Variants in CD3D observed in about 807,000 individuals in gnomAD.
CD3D encodes T-cell surface glycoprotein CD3 delta chain.
A neutral mutation model predicts 22.0 loss-of-function variants in CD3D; 22 were observed. That is an observed-to-expected ratio of 1.00 (90% CI 0.71 to 1.43). The LOEUF (loss-of-function observed/expected upper bound fraction) is 1.43, where lower values mean the gene tolerates loss of function less well. Ranked by LOEUF, CD3D falls within the 40% of genes most tolerant of loss-of-function variation. The pLI is 0.00. For missense variants in CD3D, 205 were observed against 211.7 expected (o/e 0.97, Z 0.20); for synonymous variants, 74 against 81.2 (o/e 0.91, Z 0.48).
intron 3 of CD3D, 41 bp from the exon 4 acceptor site, chr11:118,339,535 G>C (rs1213090513): frequency 4.3e-6 from 7 of 1,612,136 alleles, no homozygotes; most frequent in Non-Finnish European, 5.9e-6. Context: ...CTAGCAGATG[G>C]GACTGTGAGA....
At position 118,340,541 on chromosome 11, in the gene CD3D, A is replaced by T; in HGVS notation, c.108T>A (p.Asn36Lys). The change falls in exon 2 of 5, where the codon AAT becomes AAA. Residue 36 changes from asparagine to lysine, a missense_variant. Physicochemically the swap from Asn to Lys is moderately conservative, Grantham distance 94. Transcript: ENST00000300692. The part of the protein sequence containing the change: ...IEELEDRVFV[N>K]CNTSITWVEG... ...CTACCCATGTGATGCTGGTATTGCA[A>T]TTCACAAACACTCTGTCCTCAAGTT... 1.2e-6 allele frequency: 2 copies of T among 1,614,080 alleles called. No homozygotes were observed. Among genetic ancestry groups the T allele is most frequent in the Non-Finnish European group, 1.7e-6 (2 of 1,180,010 alleles).
chr11:118,339,709 T>TACACAC lies in CD3D; in HGVS notation c.406+60_406+65dup, dbSNP rs67065773. The TACACAC allele has an allele frequency of 0.086, 132,056 of 1,527,190 alleles. 1,024 individuals are homozygous for TACACAC. Among genetic ancestry groups the TACACAC allele is most frequent in the Middle Eastern group, 0.14 (820 of 5,834 alleles). 94.6% of individuals were successfully genotyped at this position (1,527,190 alleles called of 1,614,324 possible). A position where few individuals can be genotyped will look rare whatever the true frequency, so the allele number is the denominator to read the frequency against. ...CTTAGCTGGTGCATAAGCTCACTGG[T>TACACAC]ACACACACACACACACACACACACA... is the stretch of plus-strand genomic sequence containing the variant. On this transcript the variant is annotated intron_variant, in intron 3 of 4. Transcript: ENST00000300692.
Position 118,339,235 on chromosome 11 carries a change from A to C in CD3D, c.451-8T>G. ...ATCTCGATCTCGGAGGGGCTAAGAG[A>C]GGAGAAGAGAAAACGGTCAGGAGGC... On this transcript the variant is annotated splice_polypyrimidine_tract_variant and splice_region_variant and intron_variant, in intron 4 of 4. Transcript: ENST00000300692. The C allele has an allele frequency of 6.2e-7, 1 of 1,613,138 alleles. No homozygotes were observed. The highest frequency in any genetic ancestry group is 8.5e-7 in the Non-Finnish European group (1 of 1,179,236).
At position 118,339,444 on chromosome 11, in the gene CD3D, C is replaced by T. The variant is rs201810356; in HGVS notation, c.450+7G>A. 1.5e-5 allele frequency: 24 copies of T among 1,614,028 alleles called. No homozygotes were observed. Among genetic ancestry groups the T allele is most frequent in the East Asian group, 8.9e-5 (4 of 44,872 alleles). The stretch of plus-strand genomic sequence containing the variant: ...TTCATTCCTGCCTCCTTCCCCTCAA[C>T]GCTCACCTGATAGACCTGGTCATTC... On this transcript the variant is annotated splice_region_variant and intron_variant, in intron 4 of 4. Transcript: ENST00000300692.
At chr11:118,341,755 A>C (rs1317049309) in intron 1 of CD3D, among the ~76,000 whole-genome samples, 3 of 152,164 alleles carry the variant, frequency 2.0e-5, no homozygotes, top group African/African-American at 7.2e-5. Flanking sequence ...GAAATTGGCA[A>C]ACTGAGATGA....
chr11:118,342,547 C>T lies in CD3D; in HGVS notation c.55+6G>A, dbSNP rs962168510. On this transcript the variant is annotated splice_donor_region_variant and intron_variant, in intron 1 of 4. Coordinates refer to ENST00000300692, the MANE Select transcript of CD3D (RefSeq NM_000732.6). ...CCCTTCCCCCACCCACCTGGAGTAG[C>T]CTTACCTTGCGAGAGAAGGGTAGCC... 1 of 1,613,372 alleles carries T rather than the reference C, an allele frequency of 6.2e-7. No individual in the cohort carries two copies. The highest frequency in any genetic ancestry group is 1.3e-5 in the African/African-American group (1 of 74,998).
At chr11:118,340,862 C>A (rs921297372) in intron 1 of CD3D, 1 of 631,230 alleles carries the variant, frequency 1.6e-6, no homozygotes, top group Non-Finnish European at 2.9e-6. Context: ...CAGGATTGAC[C>A]CAAGCACCTT....
At chr11:118,342,523 C>T (rs568150798) in intron 1 of CD3D, 30 bp downstream of exon 1, 1 of 1,606,854 alleles carries the variant, frequency 6.2e-7, no homozygotes, top group African/African-American at 1.3e-5. Context: ...CTCTCAGGTC[C>T]CTTCCCCCAC....
At chr11:118,339,262 G>T in intron 4 of CD3D, 35 bp from the exon 5 acceptor site, 1 of 1,594,900 alleles carries the variant, frequency 6.3e-7, no homozygotes, top group South Asian at 1.1e-5. Context: ...TCAGGAGGCA[G>T]GGTTAGAACT....
intron 4 of CD3D, 103 bp downstream of exon 4, chr11:118,339,348 C>T: frequency 6.7e-7 from 1 of 1,495,548 alleles, no homozygotes; most frequent in Middle Eastern, 1.9e-4. Context: ...CAGCAATGAA[C>T]TCCCCAGTAG....
intron 2 of CD3D, 117 bp downstream of exon 2, chr11:118,340,258 T>C (rs1948287421): frequency 1.2e-6 from 1 of 850,782 alleles, no homozygotes; most frequent in East Asian, 2.6e-5. Flanking sequence ...ACCATTACAA[T>C]AGTGACCTCA....
At chr11:118,341,490 C>A (rs1403161327) in intron 1 of CD3D, among the ~76,000 whole-genome samples, 2 of 152,212 alleles carry the variant, frequency 1.3e-5, no homozygotes, top group South Asian at 2.1e-4. Context: ...AATTTGGATA[C>A]AAGAGCATCT....
intron 3 of CD3D, 120 bp from the exon 4 acceptor site, chr11:118,339,614 G>A: frequency 6.4e-7 from 1 of 1,558,556 alleles, no homozygotes; most frequent in Non-Finnish European, 8.8e-7. Context: ...AACAGTCAAA[G>A]TTCTAGGAGT....
chr11:118,341,538 G>C (rs1320039772), intron 1 of CD3D, among the ~76,000 whole-genome samples: 1 of 152,160 alleles, frequency 6.6e-6, no homozygotes, highest in African/African-American at 2.4e-5. Flanking sequence ...TCACACTTCT[G>C]AAGCAGGTTG....
chr11:118,340,411 TGTA>T lies in CD3D; in HGVS notation c.235_237del (p.Tyr79del), dbSNP rs763077739. 1.4e-5 allele frequency: 22 copies of T among 1,614,034 alleles called. No homozygotes were observed. The highest frequency in any genetic ancestry group is 1.8e-5 in the Non-Finnish European group (21 of 1,179,996). On this transcript the variant is annotated inframe_deletion, in exon 2 of 5. Coordinates refer to ENST00000300692, the MANE Select transcript of CD3D (RefSeq NM_000732.6). Reference sequence around the variant, plus strand: ...ACTTGCACGGTAGATTCTTTGTCCTTGTATATATCTGTCCCATTACACCTATAT... The same window carrying T: ...ACTTGCACGGTAGATTCTTTGTCCTTTATATCTGTCCCATTACACCTATAT...
intron 3 of CD3D, 106 bp downstream of exon 3, chr11:118,339,669 C>T: frequency 6.4e-7 from 1 of 1,573,210 alleles, no homozygotes; most frequent in Non-Finnish European, 8.7e-7. Context: ...ACTAAACCTA[C>T]CACCAGCCCC....
chr11:118,341,171 C>T (rs1275772854), intron 1 of CD3D, among the ~76,000 whole-genome samples: 1 of 152,162 alleles, frequency 6.6e-6, no homozygotes, highest in African/African-American at 2.4e-5. Flanking sequence ...TTACCAGCCC[C>T]TGAATTATCA....
chr11:118,342,436 T>C lies in CD3D; in HGVS notation c.55+117A>G, dbSNP rs1948307254. On this transcript the variant is annotated intron_variant, in intron 1 of 4. Transcript: ENST00000300692. ...TCCTCCCACTTCGGCCTCCCAAAGC[T>C]CTGGGATTACTGGTGTGAGCCACCG... The C allele has an allele frequency of 4.4e-6, 4 of 906,574 alleles. No individual in the cohort carries two copies. In the East Asian group the frequency reaches 1.0e-4, roughly 23 times the overall value. 56.2% of individuals were successfully genotyped at this position (906,574 alleles called of 1,614,324 possible). A position where few individuals can be genotyped will look rare whatever the true frequency, so the allele number is the denominator to read the frequency against.
In CD3D at chr11:118,339,128, TA is replaced by T; in HGVS notation, c.*33del. On this transcript the variant is annotated 3_prime_UTR_variant, in exon 5 of 5. Coordinates refer to ENST00000300692, the MANE Select transcript of CD3D (RefSeq NM_000732.6). ...GAGCAAGAAGGGAAGGTACAGTTGG[TA>T]ATGGCTGCTTCTAGAAGCCACCAGT... 3 of 1,571,704 alleles carry T rather than the reference TA, an allele frequency of 1.9e-6. No homozygotes were observed. The highest frequency in any genetic ancestry group is 2.6e-6 in the Non-Finnish European group (3 of 1,141,224).
Sources: allele counts gnomAD v4.1 joint callset (sites outside exome capture counted in the v4.1 genomes callset), GRCh38; gene constraint gnomAD v4.1.1; transcripts MANE v1.5; gene names NCBI Gene and HGNC (gene_info 2026-07-23, HGNC 2026-07-21).